The following NUDT19 variants were observed in gnomAD, a reference collection of about 807,000 sequenced individuals.
NUDT19 encodes nudix hydrolase 19, also known as acyl-coenzyme A diphosphatase NUDT19.
A neutral mutation model predicts 22.2 loss-of-function variants in NUDT19; 31 were observed. The ratio of observed to expected loss-of-function variants is 1.40; its 90% CI spans 1.05 to 1.89. The LOEUF (loss-of-function observed/expected upper bound fraction) is 1.89, where lower values mean the gene tolerates loss of function less well. Among genes scored for constraint, NUDT19 ranks in the 40% most tolerant of loss-of-function variants. The pLI is 0.00. For synonymous variants in NUDT19, 325 were observed against 230.8 expected, an observed-to-expected ratio of 1.41 and a Z score of -3.70; for missense variants, 752 against 514.2, an observed-to-expected ratio of 1.46 and a Z score of -4.47.
At chr19:32,705,789 T>G (rs1455793400) in intron 1 of NUDT19, among the ~76,000 whole-genome samples, 1 of 152,094 alleles carries the variant, frequency 6.6e-6, no homozygotes, top group Non-Finnish European at 1.5e-5. Context: ...TTCACCATGT[T>G]GGCCAGGTTG....
intron 1 of NUDT19, among the ~76,000 whole-genome samples, chr19:32,697,146 C>T (rs1968273691): frequency 6.6e-6 from 1 of 152,134 alleles, no homozygotes; most frequent in Non-Finnish European, 1.5e-5. Context: ...CCCTCTGAAC[C>T]ACCAAGGTTT....
chr19:32,698,070 T>C (rs915938611), intron 1 of NUDT19, among the ~76,000 whole-genome samples: 2 of 152,188 alleles, frequency 1.3e-5, no homozygotes, highest in African/African-American at 4.8e-5. Context: ...GGCTAGGATA[T>C]GGAGGTAAGC....
At chr19:32,696,405 G>A (rs948691254) in intron 1 of NUDT19, among the ~76,000 whole-genome samples, 2 of 152,034 alleles carry the variant, frequency 1.3e-5, no homozygotes, top group Non-Finnish European at 2.9e-5. Context: ...TATGCCACTG[G>A]TTGTGGAGTT....
intron 1 of NUDT19, among the ~76,000 whole-genome samples, chr19:32,698,749 G>A (rs984748714): frequency 5.3e-5 from 8 of 152,166 alleles, no homozygotes; most frequent in Admixed American, 2.6e-4. Context: ...ACACATTCTC[G>A]AAAACCTGCG....
chr19:32,698,975 C>T (rs1026401057), intron 1 of NUDT19, among the ~76,000 whole-genome samples: 3 of 152,154 alleles, frequency 2.0e-5, no homozygotes, highest in African/African-American at 7.2e-5. Context: ...AAGAGTGAAG[C>T]CTTTTATCCC....
intron 1 of NUDT19, among the ~76,000 whole-genome samples, chr19:32,694,354 TGAG>T (rs2145355704): frequency 6.6e-6 from 1 of 152,320 alleles, no homozygotes; most frequent in South Asian, 2.1e-4. Flanking sequence ...TTCTCAGCAG[TGAG>T]GAGGTCTAGG....
chr19:32,697,394 G>A (rs1183969824), intron 1 of NUDT19, among the ~76,000 whole-genome samples: 4 of 152,130 alleles, frequency 2.6e-5, no homozygotes, highest in African/African-American at 7.2e-5. Context: ...GGGTGACAGG[G>A]GAGTGTATTT....
chr19:32,697,045 C>T (rs1968271879), intron 1 of NUDT19, among the ~76,000 whole-genome samples: 1 of 152,126 alleles, frequency 6.6e-6, no homozygotes, highest in Non-Finnish European at 1.5e-5. Flanking sequence ...CAGCTTGTTT[C>T]TCATAGGACA....
intron 1 of NUDT19, among the ~76,000 whole-genome samples, chr19:32,704,455 T>A (rs1316874996): frequency 6.6e-6 from 1 of 151,788 alleles, no homozygotes; most frequent in African/African-American, 2.4e-5. Context: ...AGAGACGGGG[T>A]TTCGCCATGT....
At chr19:32,703,429 G>C (rs1968355744) in intron 1 of NUDT19, among the ~76,000 whole-genome samples, 1 of 151,386 alleles carries the variant, frequency 6.6e-6, no homozygotes, top group Non-Finnish European at 1.5e-5. Flanking sequence ...GCTCACCACA[G>C]CCTCTGCCTT....
At position 32,692,242 on chromosome 19, in the gene NUDT19, G is replaced by C. The variant is rs755504277; in HGVS notation, c.282G>C (p.Ala94=). The C allele has an allele frequency of 6.3e-7, 1 of 1,590,324 alleles. No homozygotes were observed. The highest frequency in any genetic ancestry group is 1.4e-5 in the African/African-American group (1 of 73,428). Residue 94 remains alanine (A), a synonymous_variant, in exon 1 of 3, where the codon GCG becomes GCC. Transcript: ENST00000397061. ...CGCCGCGCTTCGGCCTGGGCCCGGC[G>C]CCATTCAGCCGCACCGCTTTCCCGT... is the stretch of plus-strand genomic sequence containing the variant. ...HGPPRFGLGP[A]PFSRTAFPSL...
intron 1 of NUDT19, among the ~76,000 whole-genome samples, chr19:32,701,066 TG>T (rs1284121803): frequency 6.6e-6 from 1 of 151,822 alleles, no homozygotes; most frequent in Non-Finnish European, 1.5e-5. Flanking sequence ...TATTGAGACT[TG>T]TTTTATGGCC....
intron 1 of NUDT19, among the ~76,000 whole-genome samples, chr19:32,695,111 A>C (rs1459348420): frequency 6.6e-6 from 1 of 152,240 alleles, no homozygotes; most frequent in East Asian, 1.9e-4. Flanking sequence ...TTACACTGAC[A>C]ACAAGGTGGT....
At chr19:32,693,234 A>C (rs949203254) in intron 1 of NUDT19, among the ~76,000 whole-genome samples, 1 of 152,062 alleles carries the variant, frequency 6.6e-6, no homozygotes, top group Non-Finnish European at 1.5e-5. Flanking sequence ...TCAGATGTTC[A>C]GATGTGTCTG....
chr19:32,692,364 A>C lies in NUDT19; in HGVS notation c.404A>C (p.Glu135Ala), dbSNP rs770198046. The change falls in exon 1 of 3, where the codon GAG becomes GCG. Residue 135 changes from glutamate (E) to alanine (A), a missense_variant. Coordinates refer to ENST00000397061, the MANE Select transcript of NUDT19 (RefSeq NM_001105570.2). ...RICAVREAFE[E>A]AGVLLLRPRT... ...TGCGCCGTGCGGGAGGCCTTTGAGGAGGCGGGCGTGCTGCTGCTGCGGCCC... is the reference window on the plus strand; with the variant it reads ...TGCGCCGTGCGGGAGGCCTTTGAGGCGGCGGGCGTGCTGCTGCTGCGGCCC... The C allele has an allele frequency of 1.9e-6, 3 of 1,589,606 alleles. No individual in the cohort carries two copies. Among genetic ancestry groups the C allele is most frequent in the African/African-American group, 1.4e-5 (1 of 73,318 alleles).
At chr19:32,709,120 ACTGT>A (rs1968418350) in intron 1 of NUDT19, 61 bp from the exon 2 acceptor site, 6 of 1,079,026 alleles carry the variant, frequency 5.6e-6, no homozygotes, top group Non-Finnish European at 7.2e-6. Context: ...TACTGGTCTG[ACTGT>A]CTCAAGTCTC....
At chr19:32,708,532 G>A (rs1039836901) in intron 1 of NUDT19, among the ~76,000 whole-genome samples, 3 of 152,198 alleles carry the variant, frequency 2.0e-5, no homozygotes, top group African/African-American at 7.2e-5. Context: ...AGAGGAGGTT[G>A]TAGAATGAAG....
At chr19:32,708,219 A>G (rs1968408557) in intron 1 of NUDT19, among the ~76,000 whole-genome samples, 1 of 150,486 alleles carries the variant, frequency 6.6e-6, no homozygotes. Flanking sequence ...TGGGGTCAGG[A>G]GATCGAGACC....
intron 1 of NUDT19, among the ~76,000 whole-genome samples, chr19:32,707,054 A>G (rs1463142537): frequency 3.3e-5 from 5 of 152,228 alleles, no homozygotes; most frequent in African/African-American, 9.6e-5. Flanking sequence ...CTGTGATTAC[A>G]GGCGTGAGCC....
Sources: gnomAD v4.1 joint callset for allele counts (sites outside exome capture counted in the v4.1 genomes callset) on GRCh38, gnomAD v4.1.1 for gene constraint, MANE v1.5 for transcripts, NCBI Gene and HGNC (gene_info 2026-07-23, HGNC 2026-07-21) for gene names.